Variants in RPTOR observed in about 807,000 individuals in gnomAD.
RPTOR encodes regulatory associated protein of MTOR complex 1.
A neutral mutation model predicts 169.9 loss-of-function variants in RPTOR; 21 were observed. The ratio of observed to expected loss-of-function variants is 0.12; its 90% CI spans 0.09 to 0.18. The LOEUF is 0.18. Among genes scored for constraint, RPTOR ranks in the 10% least tolerant of loss-of-function variants. The pLI, the probability that RPTOR is intolerant of heterozygous loss-of-function variation, is 1.00. For missense variants in RPTOR, 1,133 were observed against 1,855.9 expected, an observed-to-expected ratio of 0.61 and a Z score of 7.16; for synonymous variants, 732 against 753.2, an observed-to-expected ratio of 0.97 and a Z score of 0.46.
intron 23 of RPTOR, 121 bp downstream of exon 23, chr17:80,923,794 C>T (rs553296362): frequency 8.1e-6 from 9 of 1,108,096 alleles, no homozygotes; most frequent in South Asian, 3.3e-5. Flanking sequence ...CCCACCCTGC[C>T]GTCCTGGGTC....
In RPTOR at chr17:80,919,968, G is replaced by T. The variant is rs2068725396; in HGVS notation, c.2521-2756G>T. 5.9e-5 allele frequency among the ~76,000 whole-genome samples: 9 copies of T among 152,344 alleles called. 1 individual carries two copies. Among genetic ancestry groups the T allele is most frequent in the African/African-American group, 2.2e-4 (9 of 41,584 alleles). ...CGCCGTGTCCTCCAGGCAGGCCTGG[G>T]CCCACAGAGGCTGTGCGGGCCGCAC... On this transcript the variant is annotated intron_variant, in intron 21 of 33. Transcript: ENST00000306801.
intron 1 of RPTOR, among the ~76,000 whole-genome samples, chr17:80,597,765 T>C (rs1254741458): frequency 3.9e-5 from 6 of 152,132 alleles, no homozygotes; most frequent in Admixed American, 2.6e-4. Context: ...CTGCCTGCCT[T>C]GGCCTCCCAG....
chr17:80,912,158 G>A (rs568433067), intron 21 of RPTOR, among the ~76,000 whole-genome samples: 6 of 152,296 alleles, frequency 3.9e-5, no homozygotes, highest in South Asian at 4.2e-4. Flanking sequence ...AGCTTTTTAC[G>A]AACATTAATA....
intron 7 of RPTOR, among the ~76,000 whole-genome samples, chr17:80,796,205 A>G (rs1162970539): frequency 6.6e-6 from 1 of 152,186 alleles, no homozygotes; most frequent in Non-Finnish European, 1.5e-5. Context: ...ATAGCTATAA[A>G]TATAAAGGGG....
At chr17:80,652,004 G>C (rs978717040) in intron 3 of RPTOR, among the ~76,000 whole-genome samples, 4 of 117,362 alleles carry the variant, frequency 3.4e-5, no homozygotes, top group African/African-American at 8.2e-5. Flanking sequence ...GTGAGACTCC[G>C]TCTCAAAAAA....
intron 21 of RPTOR, among the ~76,000 whole-genome samples, chr17:80,917,299 G>A (rs1167074523): frequency 6.6e-6 from 1 of 152,038 alleles, no homozygotes; most frequent in Non-Finnish European, 1.5e-5. Context: ...TTTTAGTAGA[G>A]ACGGGGTTTC....
rs532770302 is a variant in RPTOR, at chr17:80,755,657, C to T, written c.830+1472C>T. The stretch of plus-strand genomic sequence containing the variant: ...AGGAGGCTGAGGTACTAGAATTGCT[C>T]GAACCTGGGAGGCAGAGGTTGCAGT... On this transcript the variant is annotated intron_variant, in intron 6 of 33. Coordinates refer to ENST00000306801, the MANE Select transcript of RPTOR (RefSeq NM_020761.3). Among the ~76,000 whole-genome samples, 18 of 149,262 alleles carry T rather than the reference C, an allele frequency of 1.2e-4. No individual in the cohort carries two copies. The East Asian group carries it at 2.8e-3, about 23-fold the overall frequency.
At chr17:80,797,676 G>T (rs573926102) in intron 7 of RPTOR, among the ~76,000 whole-genome samples, 1 of 152,182 alleles carries the variant, frequency 6.6e-6, no homozygotes, top group South Asian at 2.1e-4. Flanking sequence ...CTTCCATGCC[G>T]CTGTGGTTTT....
Position 80,707,781 on chromosome 17 carries a change from T to G in RPTOR, c.349-60T>G. On this transcript the variant is annotated intron_variant, in intron 3 of 33. Coordinates refer to ENST00000306801, the MANE Select transcript of RPTOR (RefSeq NM_020761.3). The surrounding 1 kb of genome is among the most constrained non-coding windows in gnomAD (Gnocchi z 5.0). Reference sequence around the variant, plus strand: ...CAAACCCAGAGGAAAGGGTAGGGGATGAGTTCCAAGCATTCCCTGGAGTCC... The same window carrying G: ...CAAACCCAGAGGAAAGGGTAGGGGAGGAGTTCCAAGCATTCCCTGGAGTCC... The G allele has an allele frequency of 2.7e-4, 405 of 1,517,546 alleles. No individual in the cohort carries two copies. The highest frequency in any genetic ancestry group is 3.5e-4 in the Middle Eastern group (2 of 5,726). 94.0% of individuals were successfully genotyped at this position (1,517,546 alleles called of 1,614,324 possible). A position where few individuals can be genotyped will look rare whatever the true frequency, so the allele number is the denominator to read the frequency against.
chr17:80,589,720 A>T (rs899013411), intron 1 of RPTOR, among the ~76,000 whole-genome samples: 13 of 152,188 alleles, frequency 8.5e-5, no homozygotes, highest in African/African-American at 3.1e-4. Context: ...TCTGGTGCAT[A>T]GGAATGCAGT....
chr17:80,590,423 GCA>G (rs943532567), intron 1 of RPTOR, among the ~76,000 whole-genome samples: 1 of 149,798 alleles, frequency 6.7e-6, no homozygotes, highest in African/African-American at 2.5e-5. Flanking sequence ...GCACACACGT[GCA>G]CACAGTGTCT....
At chr17:80,735,197 T>C (rs2066424429) in intron 5 of RPTOR, among the ~76,000 whole-genome samples, 1 of 152,198 alleles carries the variant, frequency 6.6e-6, no homozygotes, top group Non-Finnish European at 1.5e-5. Context: ...ATCAGCCACA[T>C]TACCTGGGTA....
At chr17:80,718,081 C>T (rs2066254677) in intron 4 of RPTOR, among the ~76,000 whole-genome samples, 1 of 152,192 alleles carries the variant, frequency 6.6e-6, no homozygotes, top group Admixed American at 6.5e-5. Context: ...GCTATTTCCA[C>T]CCTTTGCTGT....
At chr17:80,640,172 A>C (rs1375475800) in intron 2 of RPTOR, among the ~76,000 whole-genome samples, 1 of 149,506 alleles carries the variant, frequency 6.7e-6, no homozygotes, top group Non-Finnish European at 1.5e-5. Context: ...CCACACACTC[A>C]CTCGCCGCTG....
chr17:80,664,163 G>T (rs918426248), intron 3 of RPTOR, among the ~76,000 whole-genome samples: 1 of 152,160 alleles, frequency 6.6e-6, no homozygotes, highest in Non-Finnish European at 1.5e-5. Context: ...GCTGTGGAGC[G>T]CCCTGTTGCC....
At chr17:80,613,193 C>T (rs529046083) in intron 1 of RPTOR, among the ~76,000 whole-genome samples, 11 of 152,222 alleles carry the variant, frequency 7.2e-5, no homozygotes, top group African/African-American at 2.6e-4. Context: ...CTCCGTGGCC[C>T]GTCACTTCTT....
chr17:80,729,721 CTT>C (rs2066373231), intron 4 of RPTOR, among the ~76,000 whole-genome samples: 1 of 152,230 alleles, frequency 6.6e-6, no homozygotes, highest in South Asian at 2.1e-4. Context: ...CCGGCCAACT[CTT>C]AGAGCTCCCC....
chr17:80,685,627 A>ATATATATATTTTTTTT (rs1269766086), intron 3 of RPTOR, among the ~76,000 whole-genome samples: 1 of 30,684 alleles, frequency 3.3e-5, no homozygotes. Flanking sequence ...ATATATATAT[A>ATATATATATTTTTTTT]TTTTTTTTTT....
intron 23 of RPTOR, 62 bp downstream of exon 23, chr17:80,923,735 T>C (rs1371473704): frequency 2.0e-6 from 3 of 1,469,592 alleles, no homozygotes; most frequent in East Asian, 4.9e-5. Context: ...AGATGGGGGC[T>C]CATGGCCTCA....
Sources: allele counts gnomAD v4.1 joint callset (sites outside exome capture counted in the v4.1 genomes callset), GRCh38; gene constraint gnomAD v4.1.1; non-coding constraint Gnocchi (gnomAD v3.1); transcripts MANE v1.5; gene names NCBI Gene and HGNC (gene_info 2026-07-23, HGNC 2026-07-21).